CDH13: variants seen among roughly 807,000 people sequenced by gnomAD.
The protein encoded by CDH13 is cadherin 13, also known as cadherin-13.
Under a neutral mutation model 63.8 loss-of-function variants are expected in CDH13, and 24 were observed. The ratio of observed to expected loss-of-function variants is 0.38; its 90% confidence interval spans 0.27 to 0.53. The LOEUF (loss-of-function observed/expected upper bound fraction) is 0.53, where lower values mean the gene tolerates loss of function less well. Among genes scored for constraint, CDH13 ranks in the 20% least tolerant of loss-of-function variants. CDH13 has a pLI of 0.85. For missense variants in CDH13, 1,049 were observed against 903.1 expected, an observed-to-expected ratio of 1.16 and a Z score of -2.07; for synonymous variants, 503 against 355.3, an observed-to-expected ratio of 1.42 and a Z score of -4.67.
At chr16:82,959,573 C>T (rs1449107030) in intron 2 of CDH13, among the ~76,000 whole-genome samples, 2 of 152,154 alleles carry the variant, frequency 1.3e-5, no homozygotes, top group Non-Finnish European at 2.9e-5. Flanking sequence ...TGAGTAGTTA[C>T]ATCTCCTTTG....
intron 1 of CDH13, among the ~76,000 whole-genome samples, chr16:82,809,476 A>G (rs953509714): frequency 3.9e-5 from 6 of 152,120 alleles, no homozygotes; most frequent in African/African-American, 1.4e-4. Context: ...CGCTCAGGGC[A>G]TGTAAAGATG....
At chr16:83,173,223 G>C (rs1196810266) in intron 4 of CDH13, among the ~76,000 whole-genome samples, 2 of 152,120 alleles carry the variant, frequency 1.3e-5, no homozygotes, top group East Asian at 3.8e-4. Flanking sequence ...ACACTCTGCT[G>C]GTTGTGAATC....
intron 2 of CDH13, among the ~76,000 whole-genome samples, chr16:82,951,034 G>A (rs914343676): frequency 1.3e-5 from 2 of 152,120 alleles, no homozygotes; most frequent in African/African-American, 4.8e-5. Flanking sequence ...TCTTCGAGAA[G>A]AATTTTATTG....
chr16:82,763,354 C>A (rs2034926675), intron 1 of CDH13, among the ~76,000 whole-genome samples: 2 of 152,150 alleles, frequency 1.3e-5, no homozygotes, highest in Non-Finnish European at 2.9e-5. Flanking sequence ...TGCTTATTTT[C>A]CACCTCCTCC....
chr16:82,771,095 A>C (rs974777922), intron 1 of CDH13, among the ~76,000 whole-genome samples: 2 of 152,178 alleles, frequency 1.3e-5, no homozygotes, highest in African/African-American at 4.8e-5. Flanking sequence ...GTTTGACTAT[A>C]CTTCATAAAC....
chr16:83,302,574 A>T (rs1272173358), intron 5 of CDH13, among the ~76,000 whole-genome samples: 3 of 152,228 alleles, frequency 2.0e-5, no homozygotes, highest in African/African-American at 4.8e-5. Context: ...CTATTCAACA[A>T]AGTCAATTTT....
intron 6 of CDH13, among the ~76,000 whole-genome samples, chr16:83,387,969 A>T (rs1031792634): frequency 6.6e-6 from 1 of 152,212 alleles, no homozygotes; most frequent in Non-Finnish European, 1.5e-5. Flanking sequence ...GTTGGCAAGA[A>T]TTACCTTTGG....
chr16:82,900,465 C>A (rs2041426043), intron 2 of CDH13, among the ~76,000 whole-genome samples: 1 of 152,130 alleles, frequency 6.6e-6, no homozygotes, highest in Admixed American at 6.5e-5. Context: ...GAAATAAATT[C>A]TATCAAAAAG....
At chr16:83,488,848 C>G (rs958069380) in intron 7 of CDH13, among the ~76,000 whole-genome samples, 1 of 152,180 alleles carries the variant, frequency 6.6e-6, no homozygotes, top group African/African-American at 2.4e-5. Flanking sequence ...TTGTCCCAAA[C>G]TCCTGACCTT....
intron 3 of CDH13, among the ~76,000 whole-genome samples, chr16:83,066,401 T>C (rs2032013153): frequency 6.6e-6 from 1 of 152,104 alleles, no homozygotes; most frequent in Admixed American, 6.5e-5. Context: ...CCAGGAAAAG[T>C]CCTAAACAAA....
intron 6 of CDH13, among the ~76,000 whole-genome samples, chr16:83,480,477 G>A (rs1227439309): frequency 6.6e-6 from 1 of 152,134 alleles, no homozygotes; most frequent in Non-Finnish European, 1.5e-5. Flanking sequence ...AGGACGGTTA[G>A]GAGAGAACTG....
In CDH13 at chr16:82,785,780, G is replaced by A. The variant is rs149032910; in HGVS notation, c.46-72582G>A. On this transcript the variant is annotated intron_variant, in intron 1 of 13. Transcript: ENST00000567109. ...GAAGGTTATTGTTATATATAAAGTC[G>A]CGGTACCGCAAAAGAAATAGCAGTC... Among the ~76,000 whole-genome samples, 1,358 of 152,290 alleles carry A rather than the reference G, an allele frequency of 8.9e-3. 25 individuals are homozygous for A. The highest frequency in any genetic ancestry group is 0.031 in the Middle Eastern group (9 of 294).
At chr16:83,621,000 C>A (rs142754956) in intron 8 of CDH13, among the ~76,000 whole-genome samples, 5 of 152,132 alleles carry the variant, frequency 3.3e-5, no homozygotes, top group Non-Finnish European at 7.4e-5. Flanking sequence ...CTGCTTTGTA[C>A]GCAGCAGGGT....
chr16:82,870,452 G>C (rs1353626688), intron 2 of CDH13, among the ~76,000 whole-genome samples: 1 of 152,094 alleles, frequency 6.6e-6, no homozygotes, highest in African/African-American at 2.4e-5. Context: ...TGGCCCAACA[G>C]TCCCACTGCT....
chr16:82,840,957 G>A (rs1441401105), intron 1 of CDH13, among the ~76,000 whole-genome samples: 2 of 152,186 alleles, frequency 1.3e-5, no homozygotes, highest in East Asian at 3.9e-4. Context: ...TTGGGTAGAA[G>A]AAAAGTCTGT....
intron 1 of CDH13, among the ~76,000 whole-genome samples, chr16:82,783,722 C>T (rs1163861861): frequency 6.6e-6 from 1 of 152,162 alleles, no homozygotes; most frequent in Non-Finnish European, 1.5e-5. Context: ...GAAGTCCTCC[C>T]TTCCGAGGCA....
intron 1 of CDH13, among the ~76,000 whole-genome samples, chr16:82,758,434 C>A (rs397854722): frequency 1.8e-4 from 26 of 148,160 alleles, no homozygotes; most frequent in Non-Finnish European, 2.3e-4. Flanking sequence ...ATACCCCCCC[C>A]CCTTTGCTTT....
At chr16:82,804,058 T>G (rs1474445269) in intron 1 of CDH13, among the ~76,000 whole-genome samples, 2 of 152,046 alleles carry the variant, frequency 1.3e-5, no homozygotes, top group Non-Finnish European at 2.9e-5. Context: ...TAAAACCTTG[T>G]CTCTACTAAA....
At chr16:83,487,744 C>A (rs568249534) in intron 7 of CDH13, among the ~76,000 whole-genome samples, 1 of 152,202 alleles carries the variant, frequency 6.6e-6, no homozygotes, top group South Asian at 2.1e-4. Context: ...ATCAGCTCCA[C>A]GTAACTGCTG....
Sources: gnomAD v4.1 joint callset for allele counts (sites outside exome capture counted in the v4.1 genomes callset) on GRCh38, gnomAD v4.1.1 for gene constraint, MANE v1.5 for transcripts, NCBI Gene and HGNC (gene_info 2026-07-23, HGNC 2026-07-21) for gene names.